The following SMARCC1 variants were observed in gnomAD, a reference collection of about 807,000 sequenced individuals.
The protein encoded by SMARCC1 is SWI/SNF related BAF chromatin remodeling complex subunit C1, also known as SWI/SNF complex subunit SMARCC1.
In SMARCC1, 43 loss-of-function variants were observed where a neutral mutation model predicts 147.4. The ratio of observed to expected loss-of-function variants is 0.29; its 90% CI spans 0.23 to 0.38. The LOEUF is 0.38. Ranked by LOEUF, SMARCC1 falls within the 10% of genes least tolerant of loss-of-function variation. The pLI is 1.00. For missense variants in SMARCC1, 1,119 were observed against 1,381.1 expected (o/e 0.81, Z 3.01); for synonymous variants, 495 against 484.4 (o/e 1.02, Z -0.29).
At chr3:47,616,980 T>G (rs1375812548) in intron 25 of SMARCC1, among the ~76,000 whole-genome samples, 1 of 152,138 alleles carries the variant, frequency 6.6e-6, no homozygotes. Context: ...ACTGAGGCAG[T>G]GGGGGAGGTG....
rs760318869 is a variant in SMARCC1, at chr3:47,675,522, T to C, written c.1792A>G (p.Asn598Asp). The C allele has an allele frequency of 6.2e-7, 1 of 1,613,260 alleles. No homozygotes were observed. Among genetic ancestry groups the C allele is most frequent in the East Asian group, 2.2e-5 (1 of 44,878 alleles). ...KNKEKPVDLQNFGLRTDIYSK... is the reference protein window; with the variant it reads ...KNKEKPVDLQDFGLRTDIYSK... Reference sequence around the variant, plus strand: ...TAAATGTCAGTACGGAGACCAAAGTTCTGCAAATCAACTGGTTTTTCCTTG... The same window carrying C: ...TAAATGTCAGTACGGAGACCAAAGTCCTGCAAATCAACTGGTTTTTCCTTG... The change falls in exon 18 of 28, where the codon AAC becomes GAC. Residue 598 changes from asparagine (N) to aspartate (D), a missense_variant. Asn to Asp is a conservative substitution (Grantham distance 23). Transcript: ENST00000254480.
chr3:47,706,496 G>A lies in SMARCC1; in HGVS notation c.953C>T (p.Ala318Val). ...VRSPERRDRK[A>V]SANARKRKHS... ...TTTCCTCTTTCGAGCATTAGCTGAT[G>A]CTTTTCTATCTCTTCTTTCTGGACT... is the stretch of plus-strand genomic sequence containing the variant. The change falls in exon 10 of 28, where the codon GCA becomes GTA. Residue 318 changes from alanine (A) to valine (V), a missense_variant. By Grantham distance (64) the Ala-to-Val change is moderately conservative. This residue lies in a region of SMARCC1 where 542 missense variants were observed against 611.8 expected (regional missense o/e 0.89). Coordinates refer to ENST00000254480, the MANE Select transcript of SMARCC1 (RefSeq NM_003074.4). 1 of 1,585,262 alleles carries A rather than the reference G, an allele frequency of 6.3e-7. No homozygotes were observed. Among genetic ancestry groups the A allele is most frequent in the Non-Finnish European group, 8.6e-7 (1 of 1,168,906 alleles).
At chr3:47,775,591 G>A (rs1215611684) in intron 1 of SMARCC1, among the ~76,000 whole-genome samples, 1 of 151,128 alleles carries the variant, frequency 6.6e-6, no homozygotes, top group Non-Finnish European at 1.5e-5. Flanking sequence ...GACTAAAGCA[G>A]TGAAACCCCG....
chr3:47,702,471 A>G (rs1297858317), intron 10 of SMARCC1, among the ~76,000 whole-genome samples: 3 of 152,228 alleles, frequency 2.0e-5, no homozygotes, highest in African/African-American at 7.2e-5. Flanking sequence ...ACTAAGAGGT[A>G]AGGGCTGGGT....
At chr3:47,660,608 G>T (rs2033333046) in intron 21 of SMARCC1, among the ~76,000 whole-genome samples, 1 of 152,074 alleles carries the variant, frequency 6.6e-6, no homozygotes, top group African/African-American at 2.4e-5. Flanking sequence ...ATTATGCTAA[G>T]TCAAAGAAGC....
Position 47,590,651 on chromosome 3 carries a change from T to A in SMARCC1, c.3220+10A>T. The A allele has an allele frequency of 6.7e-7, 1 of 1,503,756 alleles. No individual in the cohort carries two copies. The allele number at this position is 1,503,756 out of a possible 1,614,324, so 93.2% of individuals were successfully genotyped here. On this transcript the variant is annotated intron_variant, in intron 27 of 27. Coordinates refer to ENST00000254480, the MANE Select transcript of SMARCC1 (RefSeq NM_003074.4). Reference sequence around the variant, plus strand: ...CCTGAGATAATGCATCCCCCCTCCATGTTACTTACACATGCCGTTAGGTGC... The same window carrying A: ...CCTGAGATAATGCATCCCCCCTCCAAGTTACTTACACATGCCGTTAGGTGC...
intron 25 of SMARCC1, 63 bp downstream of exon 25, chr3:47,622,141 CTTG>C: frequency 7.1e-7 from 1 of 1,416,652 alleles, no homozygotes; most frequent in Non-Finnish European, 9.8e-7. Context: ...TTTTATCTAA[CTTG>C]TTTTGTGAAA....
At chr3:47,590,360 T>A (rs754852462) in intron 27 of SMARCC1, among the ~76,000 whole-genome samples, 36 of 152,218 alleles carry the variant, frequency 2.4e-4, no homozygotes, top group Non-Finnish European at 4.6e-4. Flanking sequence ...ACATGTCTGT[T>A]GAGAGTCATA....
chr3:47,769,827 T>C (rs923241221), intron 2 of SMARCC1, among the ~76,000 whole-genome samples: 9 of 152,330 alleles, frequency 5.9e-5, no homozygotes, highest in South Asian at 4.1e-4. Context: ...AATAAACTTT[T>C]CTGGAATAAC....
chr3:47,737,273 A>T (rs1490198596), intron 4 of SMARCC1, among the ~76,000 whole-genome samples: 1 of 152,174 alleles, frequency 6.6e-6, no homozygotes, highest in African/African-American at 2.4e-5. Context: ...GTGTGCCTGT[A>T]GTCCCAGCTA....
chr3:47,595,859 C>G (rs2032269707), intron 26 of SMARCC1, among the ~76,000 whole-genome samples: 1 of 151,434 alleles, frequency 6.6e-6, no homozygotes, highest in African/African-American at 2.4e-5. Context: ...CTCAGCCTCC[C>G]GAATAGCTGA....
intron 6 of SMARCC1, among the ~76,000 whole-genome samples, chr3:47,723,355 G>GTA (rs2034256040): frequency 9.4e-6 from 1 of 106,676 alleles, no homozygotes; most frequent in Non-Finnish European, 1.9e-5. Flanking sequence ...TTTTTGTTGG[G>GTA]TTTTTTTTTT....
chr3:47,709,464 T>G (rs1372569178), intron 9 of SMARCC1, among the ~76,000 whole-genome samples: 1 of 151,776 alleles, frequency 6.6e-6, no homozygotes, highest in Non-Finnish European at 1.5e-5. Flanking sequence ...GGCAGTCAGA[T>G]CACCTGAGGT....
At chr3:47,778,281 TTTTTTTTGTTTTTG>T (rs1018892590) in intron 1 of SMARCC1, among the ~76,000 whole-genome samples, 2 of 151,684 alleles carry the variant, frequency 1.3e-5, no homozygotes, top group Non-Finnish European at 2.9e-5. Context: ...TTAATCTGGT[TTTTTTTTGTTTTTG>T]TTTTTTGTTT....
At chr3:47,634,131 C>T (rs915053095) in intron 24 of SMARCC1, among the ~76,000 whole-genome samples, 1 of 151,986 alleles carries the variant, frequency 6.6e-6, no homozygotes, top group Non-Finnish European at 1.5e-5. Flanking sequence ...CTTTCTGATT[C>T]TTTAGCTAAT....
chr3:47,588,699 T>TCC (rs769849851), intron 27 of SMARCC1, among the ~76,000 whole-genome samples: 17 of 115,418 alleles, frequency 1.5e-4, no homozygotes, highest in African/African-American at 2.9e-4. Flanking sequence ...TTGTTTTTCT[T>TCC]CCCGCCCCCC....
At chr3:47,741,177 G>A (rs1402387182) in intron 3 of SMARCC1, among the ~76,000 whole-genome samples, 1 of 151,930 alleles carries the variant, frequency 6.6e-6, no homozygotes, top group Non-Finnish European at 1.5e-5. Context: ...CGAGACAACT[G>A]TTTCAGTAGA....
At chr3:47,670,280 A>C (rs2033478153) in intron 19 of SMARCC1, 1 of 192,682 alleles carries the variant, frequency 5.2e-6, no homozygotes, top group South Asian at 1.7e-4. Flanking sequence ...TTAAAACAGA[A>C]TACTATAGGT....
intron 26 of SMARCC1, among the ~76,000 whole-genome samples, chr3:47,607,084 G>T (rs1194586122): frequency 2.0e-5 from 3 of 152,086 alleles, no homozygotes; most frequent in Admixed American, 2.0e-4. Context: ...TTAAGCATTT[G>T]TATCTTTTGA....
Sources: allele counts gnomAD v4.1 joint callset (sites outside exome capture counted in the v4.1 genomes callset), GRCh38; gene constraint gnomAD v4.1.1; regional missense constraint gnomAD v4.1.1; transcripts MANE v1.5; gene names NCBI Gene and HGNC (gene_info 2026-07-23, HGNC 2026-07-21).